GPAM: variants seen among roughly 807,000 people sequenced by gnomAD.
The protein encoded by GPAM is glycerol-3-phosphate acyltransferase 1, mitochondrial.
A neutral mutation model predicts 105.0 loss-of-function variants in GPAM; 56 were observed. The ratio of observed to expected loss-of-function variants is 0.53; its 90% CI spans 0.43 to 0.67. The LOEUF is 0.67. Among genes scored for constraint, GPAM ranks in the 30% least tolerant of loss-of-function variants. The pLI, the probability that GPAM is intolerant of heterozygous loss-of-function variation, is 0.00. For synonymous variants in GPAM, 368 were observed against 354.4 expected (o/e 1.04, Z -0.43); for missense variants, 855 against 989.8 (o/e 0.86, Z 1.83).
At chr10:112,162,159 T>C (rs755234196) in intron 14 of GPAM, among the ~76,000 whole-genome samples, 3 of 152,212 alleles carry the variant, frequency 2.0e-5, no homozygotes, top group South Asian at 2.1e-4. Flanking sequence ...GTATTCACCA[T>C]ATTAAAACGA....
intron 21 of GPAM, chr10:112,153,977 C>A (rs970918663): frequency 9.3e-6 from 3 of 321,360 alleles, no homozygotes; most frequent in African/African-American, 6.5e-5. Context: ...CACAAACAGT[C>A]CCTCACAAAA....
chr10:112,219,804 A>G (rs1589616768), upstream of GPAM, among the ~76,000 whole-genome samples: 1 of 152,266 alleles, frequency 6.6e-6, no homozygotes, highest in Non-Finnish European at 1.5e-5. Flanking sequence ...TTAACCTCCA[A>G]AATGCCCTTA....
intron 1 of GPAM, among the ~76,000 whole-genome samples, chr10:112,212,001 G>A (rs1847916262): frequency 6.6e-6 from 1 of 152,148 alleles, no homozygotes; most frequent in Non-Finnish European, 1.5e-5. Flanking sequence ...AAGAGAAGAG[G>A]AAGGGCCACT....
At chr10:112,190,499 TAA>T (rs11446981) in intron 1 of GPAM, among the ~76,000 whole-genome samples, 9 of 135,916 alleles carry the variant, frequency 6.6e-5, no homozygotes, top group Admixed American at 1.5e-4. Flanking sequence ...GACTCCATCT[TAA>T]AAAAAAAAAA....
At chr10:112,189,308 C>T (rs1209400069) in intron 1 of GPAM, among the ~76,000 whole-genome samples, 1 of 152,060 alleles carries the variant, frequency 6.6e-6, no homozygotes, top group East Asian at 1.9e-4. Flanking sequence ...TACTTCACGC[C>T]ACCCAACCTA....
Position 112,158,360 on chromosome 10 carries a change from T to C in GPAM, c.1936A>G (p.Thr646Ala). ...CQTFYQVCHE[T>A]VGKFIQYGIL... ...CCATACTGGATAAACTTTCCTACTG[T>C]TTCATGGCAGACTTGGTAAAATGTC... is the stretch of plus-strand genomic sequence containing the variant. Residue 646 changes from threonine (T) to alanine (A), a missense_variant, in exon 18 of 22, where the codon ACA (threonine) becomes GCA (alanine). Thr to Ala is a moderately conservative substitution (Grantham distance 58). Coordinates refer to ENST00000348367, the MANE Select transcript of GPAM (RefSeq NM_001244949.2). 1.2e-6 allele frequency: 2 copies of C among 1,606,896 alleles called. No homozygotes were observed. Among genetic ancestry groups the C allele is most frequent in the Non-Finnish European group, 8.5e-7 (1 of 1,173,276 alleles).
chr10:112,211,664 T>C (rs529812117), intron 1 of GPAM, among the ~76,000 whole-genome samples: 1 of 152,340 alleles, frequency 6.6e-6, no homozygotes, highest in East Asian at 1.9e-4. Context: ...CTCAGCCTCA[T>C]TCTCTATTCT....
Position 112,150,649 on chromosome 10 carries a change from T to G in GPAM, c.*2901A>C, listed in dbSNP as rs911330642. 1 of 908,428 alleles carries G rather than the reference T, an allele frequency of 1.1e-6. No individual in the cohort carries two copies. Among genetic ancestry groups the G allele is most frequent in the African/African-American group, 1.8e-5 (1 of 55,712 alleles). The allele number at this position is 908,428 out of a possible 1,614,324, so 56.3% of individuals were successfully genotyped here. ...CCCAAAGGAGAAAAAGGTCCTGGTG[T>G]CAAAATAGTTTGGGCAATGCTGGGT... On this transcript the variant is annotated 3_prime_UTR_variant, in exon 22 of 22. Transcript: ENST00000348367.
Position 112,178,034 on chromosome 10 carries a change from G to A in GPAM, c.249C>T (p.Ile83=). 1.3e-6 allele frequency: 2 copies of A among 1,597,960 alleles called. No individual in the cohort carries two copies. Among genetic ancestry groups the A allele is most frequent in the Non-Finnish European group, 1.7e-6 (2 of 1,165,632 alleles). The change falls in exon 5 of 22, where the codon ATC becomes ATT. Residue 83 remains isoleucine (I), a synonymous_variant. Coordinates refer to ENST00000348367, the MANE Select transcript of GPAM (RefSeq NM_001244949.2). The part of the protein sequence containing the change: ...QSWDKFFNPS[I]PSLGLRNVIY... Reference sequence around the variant, plus strand: ...TAACATTCCGCAAACCCAAAGACGGGATACTGGGGTTGAAAAATTTGTCCT... The same window carrying A: ...TAACATTCCGCAAACCCAAAGACGGAATACTGGGGTTGAAAAATTTGTCCT...
At chr10:112,167,133 C>G (rs1464912881) in intron 11 of GPAM, among the ~76,000 whole-genome samples, 1 of 152,084 alleles carries the variant, frequency 6.6e-6, no homozygotes, top group Non-Finnish European at 1.5e-5. Flanking sequence ...GAGTGTCATA[C>G]AGATCATATC....
Position 112,152,521 on chromosome 10 carries a change from G to A in GPAM, c.*1029C>T, listed in dbSNP as rs549799749. ...AGGTTGTGCACGGCACAACTCGAGT[G>A]GGTACCAGTCACCTGGACTGGGGTG... is the stretch of plus-strand genomic sequence containing the variant. On this transcript the variant is annotated 3_prime_UTR_variant, in exon 22 of 22. Coordinates refer to ENST00000348367, the MANE Select transcript of GPAM (RefSeq NM_001244949.2). The A allele has an allele frequency of 1.0e-6, 1 of 985,212 alleles. No homozygotes were observed. The highest frequency in any genetic ancestry group is 4.7e-5 in the South Asian group (1 of 21,272). The allele number at this position is 985,212 out of a possible 1,614,324, so 61.0% of individuals were successfully genotyped here.
chr10:112,168,539 G>A lies in GPAM; in HGVS notation c.895-15C>T. ...TCAACTATATGCTGGGATATAAGAA[G>A]AAAGTAAAACATACATTCAAGACCA... is the stretch of plus-strand genomic sequence containing the variant. On this transcript the variant is annotated splice_polypyrimidine_tract_variant and intron_variant, in intron 10 of 21. Transcript: ENST00000348367. 2.0e-6 allele frequency: 3 copies of A among 1,529,374 alleles called. No individual in the cohort carries two copies. Among genetic ancestry groups the A allele is most frequent in the Non-Finnish European group, 1.8e-6 (2 of 1,102,676 alleles). The allele number at this position is 1,529,374 out of a possible 1,614,324, so 94.7% of individuals were successfully genotyped here.
chr10:112,168,169 GCCCA>G, intron 11 of GPAM, 139 bp downstream of exon 11: 1 of 681,928 alleles, frequency 1.5e-6, no homozygotes, highest in Non-Finnish European at 2.7e-6. Context: ...TACTCACCAT[GCCCA>G]TCCAATCACA....
chr10:112,218,035 TGAATATC>T, upstream of GPAM, among the ~76,000 whole-genome samples: 1 of 152,242 alleles, frequency 6.6e-6, no homozygotes, highest in South Asian at 2.1e-4. Flanking sequence ...TCAGAAAGAC[TGAATATC>T]TTACCAAAAG....
At chr10:112,207,986 G>A (rs7913950) in intron 1 of GPAM, among the ~76,000 whole-genome samples, 19,514 of 152,136 alleles carry the variant, frequency 0.13, 1,727 homozygotes, top group African/African-American at 0.24. Flanking sequence ...CAAGAACTTG[G>A]ACTTTGCCAC....
intron 1 of GPAM, among the ~76,000 whole-genome samples, chr10:112,200,703 G>C (rs1309188031): frequency 6.6e-6 from 1 of 152,130 alleles, no homozygotes; most frequent in Non-Finnish European, 1.5e-5. Flanking sequence ...AGCAGAGGAA[G>C]AGAAGGAGTC....
chr10:112,211,504 A>G (rs966163802), intron 1 of GPAM, among the ~76,000 whole-genome samples: 2 of 152,144 alleles, frequency 1.3e-5, no homozygotes, highest in African/African-American at 4.8e-5. Flanking sequence ...TTCAAATCCT[A>G]TTGGTTCATC....
chr10:112,189,073 CA>C (rs1271419960), intron 1 of GPAM, among the ~76,000 whole-genome samples: 4 of 152,162 alleles, frequency 2.6e-5, no homozygotes, highest in African/African-American at 9.7e-5. Flanking sequence ...CATTGCTCTA[CA>C]AGAATATTGT....
At chr10:112,199,290 C>A (rs1847765003) in intron 1 of GPAM, among the ~76,000 whole-genome samples, 1 of 152,176 alleles carries the variant, frequency 6.6e-6, no homozygotes, top group Middle Eastern at 3.4e-3. Flanking sequence ...GTGAAATAAG[C>A]CAGGCACAGA....
Sources: allele counts gnomAD v4.1 joint callset (sites outside exome capture counted in the v4.1 genomes callset), GRCh38; gene constraint gnomAD v4.1.1; transcripts MANE v1.5; gene names NCBI Gene and HGNC (gene_info 2026-07-23, HGNC 2026-07-21).